The following BCAS3 variants were observed in gnomAD, a reference collection of about 807,000 sequenced individuals.
BCAS3 encodes BCAS4/BCAS3 fusion.
A neutral mutation model predicts 116.1 loss-of-function variants in BCAS3; 53 were observed. The ratio of observed to expected loss-of-function variants is 0.46; its 90% confidence interval spans 0.37 to 0.57. The LOEUF (loss-of-function observed/expected upper bound fraction) is 0.57. Among genes scored for constraint, BCAS3 ranks in the 20% least tolerant of loss-of-function variants. BCAS3 has a pLI of 0.00. For synonymous variants in BCAS3, 391 were observed against 408.2 expected (o/e 0.96, Z 0.51); for missense variants, 917 against 1,165.4 (o/e 0.79, Z 3.10).
chr17:60,781,209 A>G (rs371596794), intron 6 of BCAS3, among the ~76,000 whole-genome samples: 1 of 150,752 alleles, frequency 6.6e-6, no homozygotes, highest in East Asian at 2.0e-4. Context: ...ACCTCAAGTG[A>G]TCCCCCCGCC....
At chr17:60,732,719 G>T (rs140373822) in intron 5 of BCAS3, among the ~76,000 whole-genome samples, 4,830 of 152,072 alleles carry the variant, frequency 0.032, 240 homozygotes, top group African/African-American at 0.11. Context: ...CGCACCTGTA[G>T]TCCCAGCTAC....
At chr17:60,750,519 T>C (rs560050532) in intron 6 of BCAS3, among the ~76,000 whole-genome samples, 1 of 152,178 alleles carries the variant, frequency 6.6e-6, no homozygotes, top group Admixed American at 6.5e-5. Context: ...GAAAGAAGGA[T>C]ATGAAAGTGT....
intron 15 of BCAS3, among the ~76,000 whole-genome samples, chr17:61,009,630 A>G (rs1362975233): frequency 6.6e-6 from 1 of 151,970 alleles, no homozygotes; most frequent in Non-Finnish European, 1.5e-5. Flanking sequence ...TTCATTTTTT[A>G]TTTTCCCTCT....
In BCAS3 at chr17:61,285,941, A is replaced by G. The variant is rs1424717314; in HGVS notation, c.2426-82386A>G. 6.6e-6 allele frequency among the ~76,000 whole-genome samples: 1 copy of G among 152,232 alleles called. No individual in the cohort carries two copies. The highest frequency in any genetic ancestry group is 1.5e-5 in the Non-Finnish European group (1 of 68,030). ...CTTAGCTTACACACACACTCAAGTT[A>G]CGTGAATACATGAATATTGCAGTTT... On this transcript the variant is annotated intron_variant, in intron 22 of 23. Coordinates refer to ENST00000407086, the MANE Select transcript of BCAS3 (RefSeq NM_017679.5). The surrounding 1 kb of genome is among the most constrained non-coding windows in gnomAD (Gnocchi z 5.4).
chr17:60,833,926 A>G (rs904521436), intron 7 of BCAS3, among the ~76,000 whole-genome samples: 2 of 152,116 alleles, frequency 1.3e-5, no homozygotes, highest in Non-Finnish European at 2.9e-5. Flanking sequence ...ACGTGAAACT[A>G]CTTTTTAAAG....
At chr17:60,751,589 C>G (rs1157249807) in intron 6 of BCAS3, among the ~76,000 whole-genome samples, 1 of 148,492 alleles carries the variant, frequency 6.7e-6, no homozygotes, top group Admixed American at 6.7e-5. Flanking sequence ...GTTGCCCAGG[C>G]TGGAGTGCAA....
At chr17:61,373,007 T>C (rs1234632317) in intron 23 of BCAS3, among the ~76,000 whole-genome samples, 2 of 152,202 alleles carry the variant, frequency 1.3e-5, no homozygotes. Flanking sequence ...TAGCTGCACC[T>C]TGTCTTTCTT....
chr17:60,933,036 G>A (rs980856043), intron 13 of BCAS3, among the ~76,000 whole-genome samples: 1 of 151,836 alleles, frequency 6.6e-6, no homozygotes, highest in Non-Finnish European at 1.5e-5. Context: ...TTAGCTGGGT[G>A]TAGTGGCACA....
intron 5 of BCAS3, among the ~76,000 whole-genome samples, chr17:60,716,649 G>A (rs2038640682): frequency 6.6e-6 from 1 of 151,540 alleles, no homozygotes; most frequent in Admixed American, 6.6e-5. Context: ...AACCTAGGAG[G>A]TCAAGGCTGC....
rs2054133463 is a variant in BCAS3 at position 61,309,553 on chromosome 17, C to T, written c.2426-58774C>T. Among the ~76,000 whole-genome samples the T allele has an allele frequency of 6.6e-6, 1 of 152,178 alleles. No homozygotes were observed. The highest frequency in any genetic ancestry group is 6.5e-5 in the Admixed American group (1 of 15,278). ...CCTCTACTTCCCAGCTTCACCATAG[C>T]TGGGAAGAATATTTTGATTTGTTTG... On this transcript the variant is annotated intron_variant, in intron 22 of 23. Transcript: ENST00000407086. This position sits in a 1 kb window ranked among gnomAD's most constrained non-coding sequence, Gnocchi z 4.6.
At chr17:60,777,315 C>T (rs1413379721) in intron 6 of BCAS3, among the ~76,000 whole-genome samples, 1 of 152,048 alleles carries the variant, frequency 6.6e-6, no homozygotes, top group Non-Finnish European at 1.5e-5. Flanking sequence ...TCTTGTTTAC[C>T]TCAATCACCA....
intron 5 of BCAS3, among the ~76,000 whole-genome samples, chr17:60,737,525 C>G (rs891120228): frequency 3.3e-5 from 5 of 151,994 alleles, no homozygotes; most frequent in African/African-American, 1.2e-4. Context: ...ATAATATATT[C>G]AGTCAGTGCT....
intron 5 of BCAS3, among the ~76,000 whole-genome samples, chr17:60,717,138 G>C (rs909548678): frequency 5.3e-5 from 8 of 152,268 alleles, no homozygotes; most frequent in East Asian, 1.9e-4. Context: ...GTATTTGAGG[G>C]AGGAACACTC....
At position 61,099,812 on chromosome 17, in the gene BCAS3, T is replaced by C. The variant is rs531663425; in HGVS notation, c.2425+15248T>C. ...CTCTTACTAGGCTAACTTTCAGACA[T>C]AATTTTAGGGATATTTTGGGCTGCC... On this transcript the variant is annotated intron_variant, in intron 22 of 23. Transcript: ENST00000407086. Among the ~76,000 whole-genome samples the C allele has an allele frequency of 2.6e-5, 4 of 152,330 alleles. No homozygotes were observed. The East Asian group carries it at 7.7e-4, about 29-fold the overall frequency.
rs1367734043 is a variant in BCAS3, at chr17:61,302,981, T to G, written c.2426-65346T>G. Among the ~76,000 whole-genome samples the G allele has an allele frequency of 6.6e-6, 1 of 152,180 alleles. No individual in the cohort carries two copies. Among genetic ancestry groups the G allele is most frequent in the African/African-American group, 2.4e-5 (1 of 41,448 alleles). ...GCTCTAGGATATTCAAAGCAAAAGA[T>G]AGTTGAGGCAGCTCAACTTGTGATG... On this transcript the variant is annotated intron_variant, in intron 22 of 23. Transcript: ENST00000407086. The surrounding 1 kb of genome is among the most constrained non-coding windows in gnomAD (Gnocchi z 4.4).
At position 60,989,878 on chromosome 17, in the gene BCAS3, A is replaced by G. The variant is rs866055846; in HGVS notation, c.1222-93A>G. On this transcript the variant is annotated intron_variant, in intron 14 of 23. Coordinates refer to ENST00000407086, the MANE Select transcript of BCAS3 (RefSeq NM_017679.5). ...CTTAGGTACATTTGGTAATGAGGCA[A>G]TCATTTATATTCATATTTGGTGATG... is the stretch of plus-strand genomic sequence containing the variant. The G allele has an allele frequency of 2.2e-6, 3 of 1,336,178 alleles. No individual in the cohort carries two copies. The Middle Eastern group carries it at 7.8e-4, about 347-fold the overall frequency. 82.8% of individuals were successfully genotyped at this position (1,336,178 alleles called of 1,614,324 possible).
chr17:60,709,166 G>A, intron 4 of BCAS3, 53 bp from the exon 5 acceptor site: 1 of 868,692 alleles, frequency 1.2e-6, no homozygotes, highest in Non-Finnish European at 1.9e-6. Context: ...TTGTTTTCTT[G>A]ATTGCCATTA....
At chr17:60,825,355 A>G (rs573242955) in intron 7 of BCAS3, among the ~76,000 whole-genome samples, 1 of 151,578 alleles carries the variant, frequency 6.6e-6, no homozygotes, top group Non-Finnish European at 1.5e-5. Context: ...AAGAGCTTAA[A>G]GCTTAACATA....
At chr17:61,135,396 A>G (rs959107774) in intron 22 of BCAS3, among the ~76,000 whole-genome samples, 2 of 152,232 alleles carry the variant, frequency 1.3e-5, no homozygotes, top group African/African-American at 4.8e-5. Flanking sequence ...TAAGCTTTTT[A>G]TTCCTTTGAA....
Sources: allele counts gnomAD v4.1 joint callset (sites outside exome capture counted in the v4.1 genomes callset), GRCh38; gene constraint gnomAD v4.1.1; non-coding constraint Gnocchi (gnomAD v3.1); transcripts MANE v1.5; gene names NCBI Gene and HGNC (gene_info 2026-07-23, HGNC 2026-07-21).